Variants in RALGAPB observed in about 807,000 individuals in gnomAD.
RALGAPB encodes ral GTPase-activating protein subunit beta.
In RALGAPB, 25 loss-of-function variants were observed where a neutral mutation model predicts 161.1. The ratio of observed to expected loss-of-function variants is 0.16; its 90% CI spans 0.11 to 0.22. RALGAPB has a LOEUF of 0.22. RALGAPB is among the 10% of genes least tolerant of loss of function. The probability of loss-of-function intolerance (pLI) is 1.00; values close to 1 mark genes in which losing one functional copy is unlikely to be tolerated. For synonymous variants in RALGAPB, 629 were observed against 626.1 expected (o/e 1.00, Z -0.07); for missense variants, 1,391 against 1,815.2 (o/e 0.77, Z 4.25).
chr20:38,534,958 C>A, intron 15 of RALGAPB, 116 bp from the exon 16 acceptor site: 1 of 1,255,982 alleles, frequency 8.0e-7, no homozygotes, highest in Non-Finnish European at 1.1e-6. Context: ...TGTGTGGGTG[C>A]CCGTCGTTCT....
intron 18 of RALGAPB, among the ~76,000 whole-genome samples, chr20:38,544,815 A>AGG (rs2087107512): frequency 6.6e-6 from 1 of 152,174 alleles, no homozygotes; most frequent in East Asian, 1.9e-4. Flanking sequence ...AACTCTATAT[A>AGG]ATACTACATT....
intron 6 of RALGAPB, among the ~76,000 whole-genome samples, chr20:38,513,789 G>A (rs2086045601): frequency 6.6e-6 from 1 of 152,030 alleles, no homozygotes; most frequent in African/African-American, 2.4e-5. Flanking sequence ...ATTTCCCAAT[G>A]TTGAACCATC....
intron 1 of RALGAPB, among the ~76,000 whole-genome samples, chr20:38,480,240 G>C (rs1297024108): frequency 6.6e-6 from 1 of 151,092 alleles, no homozygotes; most frequent in Non-Finnish European, 1.5e-5. Context: ...CTTCAAAATT[G>C]GTCACTGCTT....
intron 6 of RALGAPB, among the ~76,000 whole-genome samples, chr20:38,510,766 CG>C (rs1325043661): frequency 7.1e-6 from 1 of 141,190 alleles, no homozygotes. Flanking sequence ...AAAAATTAGC[CG>C]GGCGTAGTGG....
chr20:38,546,465 T>C (rs1386083769), intron 19 of RALGAPB, 35 bp downstream of exon 19: 2 of 1,612,328 alleles, frequency 1.2e-6, no homozygotes, highest in Admixed American at 3.3e-5. Flanking sequence ...TCTCTACTGC[T>C]TAATCAGTGT....
chr20:38,473,453 A>G (rs1272467935), intron 1 of RALGAPB, among the ~76,000 whole-genome samples: 2 of 152,214 alleles, frequency 1.3e-5, no homozygotes, highest in African/African-American at 4.8e-5. Flanking sequence ...CCCATTGCAC[A>G]GTGACACTTT....
At chr20:38,526,509 A>G (rs946008678) in intron 13 of RALGAPB, among the ~76,000 whole-genome samples, 1 of 152,036 alleles carries the variant, frequency 6.6e-6, no homozygotes, top group Non-Finnish European at 1.5e-5. Context: ...ACATCAGCTA[A>G]TGATTTCTTC....
intron 28 of RALGAPB, among the ~76,000 whole-genome samples, chr20:38,572,867 T>C (rs1162947571): frequency 1.3e-5 from 2 of 152,190 alleles, no homozygotes; most frequent in East Asian, 3.8e-4. Context: ...TCTTCATTTT[T>C]ACTAAAATAT....
At chr20:38,490,703 T>C (rs1160656025) in intron 2 of RALGAPB, among the ~76,000 whole-genome samples, 1 of 148,812 alleles carries the variant, frequency 6.7e-6, no homozygotes, top group African/African-American at 2.6e-5. Context: ...GAGACAAGGG[T>C]TTCTCTGTGT....
chr20:38,535,228 A>G, intron 16 of RALGAPB, 21 bp downstream of exon 16: 1 of 1,613,300 alleles, frequency 6.2e-7, no homozygotes, highest in South Asian at 1.1e-5. Flanking sequence ...CAGTCCTTTT[A>G]TTTTAACCCA....
Position 38,525,968 on chromosome 20 carries a change from A to T in RALGAPB, c.1976A>T (p.Lys659Met), listed in dbSNP as rs1420784977. 1 of 1,613,900 alleles carries T rather than the reference A, an allele frequency of 6.2e-7. No homozygotes were observed. The highest frequency in any genetic ancestry group is 8.5e-7 in the Non-Finnish European group (1 of 1,179,780). ...AAACCAATAACTTTTCTGTCCCTGA[A>T]GTTGAGACTTGTGAATATATTAATA... ...YDKPITFLSL[K>M]LRLVNILIGA... The change falls in exon 13 of 30, where the codon AAG becomes ATG. Residue 659 changes from lysine (K) to methionine (M), a missense_variant. By Grantham distance (95) the Lys-to-Met change is moderately conservative (BLOSUM62 -1). Around this residue, in one of 3 missense-constraint regions of RALGAPB, gnomAD observed 946 missense variants for 1,257.2 expected, o/e 0.75. Coordinates refer to ENST00000262879, the MANE Select transcript of RALGAPB (RefSeq NM_020336.4).
At chr20:38,559,641 C>A (rs146262582) in intron 23 of RALGAPB, among the ~76,000 whole-genome samples, 112 of 152,230 alleles carry the variant, frequency 7.4e-4, no homozygotes, top group Admixed American at 5.5e-3. Context: ...TTGCAGTGAG[C>A]CAAGATTGCA....
At chr20:38,526,658 ACAC>A (rs1333934350) in intron 13 of RALGAPB, among the ~76,000 whole-genome samples, 1 of 152,110 alleles carries the variant, frequency 6.6e-6, no homozygotes, top group Non-Finnish European at 1.5e-5. Flanking sequence ...TTTTTTCACA[ACAC>A]AAAACCTGAA....
chr20:38,532,790 A>T lies in RALGAPB; in HGVS notation c.2176A>T (p.Ser726Cys). 6.2e-7 allele frequency: 1 copy of T among 1,614,110 alleles called. No individual in the cohort carries two copies. Among genetic ancestry groups the T allele is most frequent in the Non-Finnish European group, 8.5e-7 (1 of 1,179,922 alleles). The change falls in exon 15 of 30, where the codon AGT (serine) becomes TGT (cysteine). Residue 726 changes from serine to cysteine, a missense_variant. Transcript: ENST00000262879. ...SRTNSGISSA[S>C]GGSTEPTTPD... ...CACCAATAGTGGTATTAGTTCAGCA[A>T]GTGGTGGAAGCACGGAGCCCACGAC...
Position 38,524,883 on chromosome 20 carries a change from G to T in RALGAPB, c.1725G>T (p.Leu575Phe). Residue 575 changes from leucine (L) to phenylalanine (F), a missense_variant, in exon 11 of 30, where the codon TTG (leucine) becomes TTT (phenylalanine). Transcript: ENST00000262879. The stretch of plus-strand genomic sequence containing the variant: ...CTCCTCCTTTGTTCTGCTGTGACTT[G>T]AAAGGGATTGATGTTGTGGTTCCTT... ...LNSPPLFCCD[L>F]KGIDVVVPYF... 1 of 1,610,992 alleles carries T rather than the reference G, an allele frequency of 6.2e-7. No homozygotes were observed. Among genetic ancestry groups the T allele is most frequent in the Non-Finnish European group, 8.5e-7 (1 of 1,177,110 alleles).
intron 11 of RALGAPB, 98 bp downstream of exon 11, chr20:38,525,043 T>C (rs932292281): frequency 9.9e-5 from 121 of 1,221,172 alleles, no homozygotes; most frequent in Non-Finnish European, 1.3e-4. Flanking sequence ...TCCAGTTGTC[T>C]TCATAGTCCA....
intron 22 of RALGAPB, among the ~76,000 whole-genome samples, chr20:38,556,559 A>G (rs563705505): frequency 6.6e-6 from 1 of 152,282 alleles, no homozygotes; most frequent in South Asian, 2.1e-4. Context: ...TAAAAATACA[A>G]TGCAAAAATG....
In RALGAPB at chr20:38,554,282, G is replaced by C. The variant is rs893530103; in HGVS notation, c.3372+206G>C. ...ACAGGTCACCCCATGAATGCATTCA[G>C]AGTTCTGTCTGAGGGGACTGGTTTG... On this transcript the variant is annotated intron_variant, in intron 22 of 29. Coordinates refer to ENST00000262879, the MANE Select transcript of RALGAPB (RefSeq NM_020336.4). 5.3e-5 allele frequency among the ~76,000 whole-genome samples: 8 copies of C among 152,128 alleles called. No individual in the cohort carries two copies. In the South Asian group the frequency reaches 1.5e-3, roughly 28 times the overall value.
At position 38,575,752 on chromosome 20, in the gene RALGAPB, C is replaced by T. The variant is rs2088411818; in HGVS notation, c.*785C>T. On this transcript the variant is annotated 3_prime_UTR_variant, in exon 30 of 30. Coordinates refer to ENST00000262879, the MANE Select transcript of RALGAPB (RefSeq NM_020336.4). Reference sequence around the variant, plus strand: ...CCCCACTCTCTCCATTATTGTCCAGCGGGGTGACATAATGACAGGTTAAAT... The same window carrying T: ...CCCCACTCTCTCCATTATTGTCCAGTGGGGTGACATAATGACAGGTTAAAT... 1.3e-5 allele frequency: 2 copies of T among 152,174 alleles called. No homozygotes were observed. Among genetic ancestry groups the T allele is most frequent in the South Asian group, 2.1e-4 (1 of 4,818 alleles). 9.4% of individuals were successfully genotyped at this position (152,174 alleles called of 1,614,324 possible).
Sources: gnomAD v4.1 joint callset for allele counts (sites outside exome capture counted in the v4.1 genomes callset) on GRCh38, gnomAD v4.1.1 for gene constraint, gnomAD v4.1.1 regional missense constraint, MANE v1.5 for transcripts, NCBI Gene and HGNC (gene_info 2026-07-23, HGNC 2026-07-21) for gene names.